The following PXDN variants were observed in gnomAD, a reference collection of about 807,000 sequenced individuals.
PXDN encodes peroxidasin.
In PXDN, 77 loss-of-function variants were observed where a neutral mutation model predicts 140.3. The ratio of observed to expected loss-of-function variants is 0.55; its 90% confidence interval spans 0.46 to 0.66. The LOEUF (loss-of-function observed/expected upper bound fraction) is 0.66. Ranked by LOEUF, PXDN falls within the 30% of genes least tolerant of loss-of-function variation. The pLI, the probability that PXDN is intolerant of heterozygous loss-of-function variation, is 0.00. For missense variants in PXDN, 1,838 were observed against 2,039.5 expected (o/e 0.90, Z 1.90); for synonymous variants, 911 against 857.4 (o/e 1.06, Z -1.09).
At position 1,687,227 on chromosome 2, in the gene PXDN, G is replaced by A. The variant is rs1684081720; in HGVS notation, c.416+405C>T. Among the ~76,000 whole-genome samples, 2 of 152,204 alleles carry A rather than the reference G, an allele frequency of 1.3e-5. No individual in the cohort carries two copies. Among genetic ancestry groups the A allele is most frequent in the African/African-American group, 2.4e-5 (1 of 41,456 alleles). On this transcript the variant is annotated intron_variant, in intron 4 of 22. Transcript: ENST00000252804. The surrounding 1 kb of genome is among the most constrained non-coding windows in gnomAD (Gnocchi z 4.0). ...ACAGTCATAAGGAGGAACAGTGAACGAGGCAAAGAGCCCTCTCCTCCCCGG... is the reference window on the plus strand; with the variant it reads ...ACAGTCATAAGGAGGAACAGTGAACAAGGCAAAGAGCCCTCTCCTCCCCGG...
rs560452233 is a variant in PXDN at position 1,641,458 on chromosome 2, CT to C, written c.3952+1909del. Among the ~76,000 whole-genome samples, 284 of 152,290 alleles carry C rather than the reference CT, an allele frequency of 1.9e-3. 1 individual carries two copies. Among genetic ancestry groups the C allele is most frequent in the Non-Finnish European group, 3.7e-3 (250 of 68,024 alleles). On this transcript the variant is annotated intron_variant, in intron 19 of 22. Coordinates refer to ENST00000252804, the MANE Select transcript of PXDN (RefSeq NM_012293.3). ...TGCCACCGCCCAGCCCCCAATGTGTCTTTTTAAAAAGTTTAATTGAAAAGTA... is the reference window on the plus strand; with the variant it reads ...TGCCACCGCCCAGCCCCCAATGTGTCTTTTAAAAAGTTTAATTGAAAAGTA...
At chr2:1,706,191 C>T (rs1214822094) in intron 1 of PXDN, among the ~76,000 whole-genome samples, 1 of 152,180 alleles carries the variant, frequency 6.6e-6, no homozygotes, top group Non-Finnish European at 1.5e-5. Flanking sequence ...CCGGGTTATT[C>T]TATGAAATTG....
At chr2:1,638,386 T>C (rs1325438949) in intron 21 of PXDN, among the ~76,000 whole-genome samples, 1 of 152,070 alleles carries the variant, frequency 6.6e-6, no homozygotes. Flanking sequence ...ATCCCTGTGG[T>C]CGTACCACAG....
intron 1 of PXDN, among the ~76,000 whole-genome samples, chr2:1,693,635 C>G (rs1684231965): frequency 6.6e-6 from 1 of 152,226 alleles, no homozygotes. Context: ...GTGAATTCAG[C>G]ACGCTAACTG....
At position 1,651,933 on chromosome 2, in the gene PXDN, G is replaced by A. The variant is rs1420625302; in HGVS notation, c.2104+1695C>T. ...AGGCCCTGGCCCAGGACAATGACTG[G>A]CATAGAGGGTGTGCCCTGACAGGCA... On this transcript the variant is annotated intron_variant, in intron 16 of 22. Coordinates refer to ENST00000252804, the MANE Select transcript of PXDN (RefSeq NM_012293.3). This position sits in a 1 kb window ranked among gnomAD's most constrained non-coding sequence, Gnocchi z 4.4. Among the ~76,000 whole-genome samples, 2 of 152,232 alleles carry A rather than the reference G, an allele frequency of 1.3e-5. No individual in the cohort carries two copies. Among genetic ancestry groups the A allele is most frequent in the Admixed American group, 6.5e-5 (1 of 15,286 alleles).
chr2:1,705,284 A>G (rs1375012093), intron 1 of PXDN, among the ~76,000 whole-genome samples: 1 of 152,102 alleles, frequency 6.6e-6, no homozygotes, highest in Non-Finnish European at 1.5e-5. Flanking sequence ...CACTCCCTCC[A>G]TGAAGGCTGG....
chr2:1,647,159 G>A (rs1465583810), intron 17 of PXDN, among the ~76,000 whole-genome samples: 3 of 151,034 alleles, frequency 2.0e-5, no homozygotes, highest in Non-Finnish European at 4.4e-5. Flanking sequence ...CTCCCAAAGT[G>A]CTGGGATTAT....
chr2:1,644,647 T>C lies in PXDN; in HGVS notation c.3714A>G (p.Thr1238=). The C allele has an allele frequency of 1.9e-6, 3 of 1,608,334 alleles. No individual in the cohort carries two copies. Among genetic ancestry groups the C allele is most frequent in the South Asian group, 1.1e-5 (1 of 90,278 alleles). The part of the protein sequence containing the change: ...LGPTLMCLLS[T]QFKRLRDGDR... ...CCCCATCTCGCAGGCGCTTGAACTG[T>C]GTGCTGAGAAGACACATCAGGGTGG... The change falls in exon 18 of 23, where the codon ACA becomes ACG. Residue 1238 remains threonine (T), a synonymous_variant. Coordinates refer to ENST00000252804, the MANE Select transcript of PXDN (RefSeq NM_012293.3).
chr2:1,725,908 C>G (rs1178491304), intron 1 of PXDN, among the ~76,000 whole-genome samples: 1 of 151,416 alleles, frequency 6.6e-6, no homozygotes, highest in Non-Finnish European at 1.5e-5. Context: ...GAATGGCAAT[C>G]ATTAAAAAGT....
At chr2:1,653,270 CAG>C (rs1172624128) in intron 16 of PXDN, 1 of 352,746 alleles carries the variant, frequency 2.8e-6, no homozygotes, top group African/African-American at 2.1e-5. Context: ...CAACGTCACT[CAG>C]GGAGCAAGCA....
At chr2:1,668,391 G>T (rs935065806) in intron 9 of PXDN, among the ~76,000 whole-genome samples, 7 of 151,932 alleles carry the variant, frequency 4.6e-5, no homozygotes, top group Admixed American at 4.6e-4. Context: ...CACAGGCATG[G>T]GCAAAGACTT....
chr2:1,692,237 A>G (rs768846723), intron 2 of PXDN, among the ~76,000 whole-genome samples: 1 of 152,198 alleles, frequency 6.6e-6, no homozygotes, highest in African/African-American at 2.4e-5. Flanking sequence ...CTACCTTTTG[A>G]TACAGCGGAG....
At chr2:1,733,421 G>A (rs974524277) in intron 1 of PXDN, among the ~76,000 whole-genome samples, 1 of 152,070 alleles carries the variant, frequency 6.6e-6, no homozygotes, top group Admixed American at 6.5e-5. Context: ...GATTCCTCAT[G>A]GGAAACAATG....
intron 3 of PXDN, among the ~76,000 whole-genome samples, chr2:1,691,593 G>T (rs1452846635): frequency 6.6e-6 from 1 of 152,134 alleles, no homozygotes; most frequent in East Asian, 1.9e-4. Flanking sequence ...CCCGTCAGCT[G>T]TTCATATCGG....
chr2:1,638,793 T>G, intron 21 of PXDN, 53 bp downstream of exon 21: 1 of 1,611,538 alleles, frequency 6.2e-7, no homozygotes, highest in Non-Finnish European at 8.5e-7. Flanking sequence ...CGGGCAGGGC[T>G]GTGCTGCTGT....
intron 1 of PXDN, 110 bp downstream of exon 1, chr2:1,744,146 G>C: frequency 4.9e-6 from 5 of 1,029,098 alleles, no homozygotes; most frequent in Non-Finnish European, 5.0e-6. Flanking sequence ...CCCCCCGCGC[G>C]CCCGATGCCC....
chr2:1,744,478 T>C lies in PXDN; in HGVS notation c.-23A>G, dbSNP rs1685644870. 1 of 1,427,948 alleles carries C rather than the reference T, an allele frequency of 7.0e-7. No homozygotes were observed. Among genetic ancestry groups the C allele is most frequent in the Non-Finnish European group, 9.1e-7 (1 of 1,099,550 alleles). The allele number at this position is 1,427,948 out of a possible 1,614,324, so 88.5% of individuals were successfully genotyped here. On this transcript the variant is annotated 5_prime_UTR_variant, in exon 1 of 23. Transcript: ENST00000252804. Reference sequence around the variant, plus strand: ...CATGGCCGACGGCGCGGACGGACGCTCGGACGCACGGAGCCACCACGGCCG... The same window carrying C: ...CATGGCCGACGGCGCGGACGGACGCCCGGACGCACGGAGCCACCACGGCCG...
chr2:1,721,857 C>T (rs191859222), intron 1 of PXDN, among the ~76,000 whole-genome samples: 1 of 152,202 alleles, frequency 6.6e-6, no homozygotes, highest in Admixed American at 6.5e-5. Context: ...TCAGGCTGTG[C>T]TTTAATGACC....
chr2:1,691,199 T>G (rs1236156208), intron 3 of PXDN, among the ~76,000 whole-genome samples: 1 of 152,140 alleles, frequency 6.6e-6, no homozygotes, highest in Non-Finnish European at 1.5e-5. Context: ...TAAAAATAGC[T>G]CTCTTTGGAA....
Sources: gnomAD v4.1 joint callset for allele counts (sites outside exome capture counted in the v4.1 genomes callset) on GRCh38, gnomAD v4.1.1 for gene constraint, Gnocchi (gnomAD v3.1) non-coding constraint, MANE v1.5 for transcripts, NCBI Gene and HGNC (gene_info 2026-07-23, HGNC 2026-07-21) for gene names.